ZBTB37: variants seen among roughly 807,000 people sequenced by gnomAD.
ZBTB37 encodes the protein zinc finger and BTB domain containing 37.
In ZBTB37, 15 loss-of-function variants were observed where a neutral mutation model predicts 37.7. The observed-to-expected ratio is 0.40, with a 90% confidence interval of 0.27 to 0.61. The LOEUF (loss-of-function observed/expected upper bound fraction) is 0.61. Among genes scored for constraint, ZBTB37 ranks in the 20% least tolerant of loss-of-function variants. The pLI is 0.44. For synonymous variants in ZBTB37, 231 were observed against 220.6 expected, an observed-to-expected ratio of 1.05 and a Z score of -0.42; for missense variants, 514 against 641.9, an observed-to-expected ratio of 0.80 and a Z score of 2.15.
intron 4 of ZBTB37, among the ~76,000 whole-genome samples, chr1:173,881,252 CCTT>C (rs201227328): frequency 0.02 from 3,064 of 151,136 alleles, 99 homozygotes; most frequent in African/African-American, 0.071. Flanking sequence ...ATGGTTTCCA[CCTT>C]CATCCATGTC....
chr1:173,886,658 T>G (rs1305319509), downstream of ZBTB37: 1 of 154,050 alleles, frequency 6.5e-6, no homozygotes, highest in Non-Finnish European at 1.4e-5. Flanking sequence ...TACTGGTGGT[T>G]CTTATTTTGA....
exon 4 of ZBTB37, chr1:173,892,846 T>C (rs1572076458): frequency 6.6e-6 from 1 of 152,292 alleles, no homozygotes; most frequent in East Asian, 1.9e-4. Flanking sequence ...GCGTCTTTCA[T>C]GTCTACTCAA....
At chr1:173,887,460 G>A (rs942793051), downstream of ZBTB37, 3 of 152,126 alleles carry the variant, frequency 2.0e-5, no homozygotes, top group African/African-American at 7.2e-5. Context: ...ATTTTGGTCA[G>A]GTTTGGTTAC....
chr1:173,881,640 C>A (rs57995528), intron 4 of ZBTB37, among the ~76,000 whole-genome samples: 1 of 152,004 alleles, frequency 6.6e-6, no homozygotes. Flanking sequence ...TTTCAATGAT[C>A]GCCATTCTAA....
chr1:173,875,037 T>C (rs1382332776), intron 4 of ZBTB37, among the ~76,000 whole-genome samples: 1 of 151,090 alleles, frequency 6.6e-6, no homozygotes, highest in Non-Finnish European at 1.5e-5. Context: ...GACCTGATAG[T>C]AATAAAAAAT....
rs185245552 is a variant in ZBTB37 at position 173,896,227 on chromosome 1, T to C, written c.*10103T>C. On this transcript the variant is annotated 3_prime_UTR_variant, in exon 4 of 4. Coordinates refer to the ZBTB37 transcript ENST00000367701. ...TTTATCATATAAAGATTAGGGCAAA[T>C]TATTTTTTTTTCCAGTTCATTCTTA... 8 of 152,306 alleles carry C rather than the reference T, an allele frequency of 5.3e-5. No individual in the cohort carries two copies. The East Asian group carries it at 7.7e-4, about 15-fold the overall frequency. The allele number at this position is 152,306 out of a possible 1,614,324, so 9.4% of individuals were successfully genotyped here.
chr1:173,885,827 G>A, exon 5 of ZBTB37: 3 of 1,551,860 alleles, frequency 1.9e-6, no homozygotes, highest in Non-Finnish European at 2.6e-6. Context: ...TCTGCCGCAT[G>A]TGTGGCAAGA....
chr1:173,881,881 T>C (rs1212787057), intron 4 of ZBTB37, among the ~76,000 whole-genome samples: 25 of 152,024 alleles, frequency 1.6e-4, no homozygotes, highest in East Asian at 1.9e-4. Flanking sequence ...GGTGAAACCC[T>C]GTCTCTACTA....
chr1:173,896,893 G>T (rs1189775880), exon 4 of ZBTB37: 1 of 152,164 alleles, frequency 6.6e-6, no homozygotes, highest in Non-Finnish European at 1.5e-5. Context: ...TAAAAAAGGG[G>T]TCACTAATAG....
intron 4 of ZBTB37, among the ~76,000 whole-genome samples, chr1:173,874,859 A>G (rs1655832365): frequency 6.6e-6 from 1 of 152,150 alleles, no homozygotes; most frequent in African/African-American, 2.4e-5. Flanking sequence ...AGACAGCCTG[A>G]CTTGTTATGT....
At chr1:173,878,795 A>T (rs6667813) in intron 4 of ZBTB37, among the ~76,000 whole-genome samples, 17,309 of 152,194 alleles carry the variant, frequency 0.11, 1,083 homozygotes, top group Middle Eastern at 0.18. Context: ...TATAAATTCA[A>T]CATTTAGGCT....
rs376175915 is a variant in ZBTB37, at chr1:173,870,932, A to G, written c.707A>G (p.Glu236Gly). The change falls in exon 3 of 5, where the codon GAA (glutamate) becomes GGA (glycine). Residue 236 changes from glutamate (E) to glycine (G), a missense_variant. By Grantham distance (98) the Glu-to-Gly change is moderately conservative. Around this residue, in one of 3 missense-constraint regions of ZBTB37, gnomAD observed 323 missense variants for 321.9 expected, o/e 1.00. Coordinates refer to ENST00000427304, the Ensembl canonical transcript of ZBTB37. ...GACCGTGGGGGTCGGAGTGATGATG[A>G]AGTTAGAGTTCTTGGAGCAGTACAC... 1.9e-6 allele frequency: 3 copies of G among 1,614,068 alleles called. No individual in the cohort carries two copies. The African/African-American group carries it at 4.0e-5, about 22-fold the overall frequency.
intron 4 of ZBTB37, among the ~76,000 whole-genome samples, chr1:173,875,938 C>T (rs72711419): frequency 0.097 from 14,754 of 152,148 alleles, 847 homozygotes; most frequent in Middle Eastern, 0.17. Flanking sequence ...GGATTACAGG[C>T]GTGAGCCACT....
At chr1:173,902,430 T>G (rs938798882) in exon 4 of ZBTB37, 28 of 152,222 alleles carry the variant, frequency 1.8e-4, no homozygotes, top group African/African-American at 6.5e-4. Flanking sequence ...GTTTTTTCCC[T>G]TTGAAAAAAA....
rs561737306 is a variant in ZBTB37, at chr1:173,896,810, G to A, written c.*10686G>A. 1.2e-4 allele frequency: 18 copies of A among 152,184 alleles called. No homozygotes were observed. The East Asian group carries it at 2.9e-3, about 25-fold the overall frequency. 9.4% of individuals were successfully genotyped at this position (152,184 alleles called of 1,614,324 possible). On this transcript the variant is annotated 3_prime_UTR_variant, in exon 4 of 4. Transcript: ENST00000367701. ...AATCCTAACTATAGTGGTTCTTTAA[G>A]AACCACTGAAAAAACAGAATTGCAG... is the stretch of plus-strand genomic sequence containing the variant.
At chr1:173,873,531 G>C in exon 4 of ZBTB37, 1 of 1,613,978 alleles carries the variant, frequency 6.2e-7, no homozygotes, top group Non-Finnish European at 8.5e-7. Flanking sequence ...TGAGTCTCCT[G>C]GGAGAATGGA....
At chr1:173,870,895 A>G (rs1655512985) in exon 3 of ZBTB37, 1 of 1,614,092 alleles carries the variant, frequency 6.2e-7, no homozygotes, top group East Asian at 2.2e-5. Context: ...GTATGTGGAG[A>G]CAGGAGTGGC....
chr1:173,889,917 G>A (rs1191685911), downstream of ZBTB37: 4 of 152,152 alleles, frequency 2.6e-5, no homozygotes, highest in Admixed American at 6.6e-5. Context: ...GTGAAACAGG[G>A]TTTTCCAAAG....
exon 3 of ZBTB37, chr1:173,870,922 A>G: frequency 6.2e-7 from 1 of 1,614,220 alleles, no homozygotes; most frequent in Non-Finnish European, 8.5e-7. Context: ...TGGGGGTCGG[A>G]GTGATGATGA....
Sources: allele counts gnomAD v4.1 joint callset (sites outside exome capture counted in the v4.1 genomes callset), GRCh38; gene constraint gnomAD v4.1.1; regional missense constraint gnomAD v4.1.1; transcripts MANE v1.5; gene names NCBI Gene and HGNC (gene_info 2026-07-23, HGNC 2026-07-21).